Variants in MYBPC1 observed in about 807,000 individuals in gnomAD.
MYBPC1 encodes myosin binding protein C1.
In MYBPC1, 52 loss-of-function variants were observed where a neutral mutation model predicts 147.1. That is an observed-to-expected ratio of 0.35 (90% CI 0.28 to 0.45). The LOEUF is 0.45. Among genes scored for constraint, MYBPC1 ranks in the 20% least tolerant of loss-of-function variants. The pLI, the probability that MYBPC1 is intolerant of heterozygous loss-of-function variation, is 1.00. For synonymous variants in MYBPC1, 477 were observed against 475.9 expected, an observed-to-expected ratio of 1.00 and a Z score of -0.03; for missense variants, 1,228 against 1,440.3, an observed-to-expected ratio of 0.85 and a Z score of 2.39.
chr12:101,618,010 AT>A (rs747982166), intron 3 of MYBPC1, among the ~76,000 whole-genome samples: 2 of 152,160 alleles, frequency 1.3e-5, no homozygotes, highest in Non-Finnish European at 2.9e-5. Flanking sequence ...TTGTATTGTC[AT>A]TTTAAAAGTG....
chr12:101,634,925 A>G (rs12307946), intron 9 of MYBPC1, among the ~76,000 whole-genome samples: 2 of 152,234 alleles, frequency 1.3e-5, no homozygotes, highest in African/African-American at 4.8e-5. Flanking sequence ...CCAAATGGCC[A>G]AAAGAAATAC....
chr12:101,652,545 T>TC, intron 16 of MYBPC1, 133 bp from the exon 17 acceptor site: 1 of 679,804 alleles, frequency 1.5e-6, no homozygotes, highest in Non-Finnish European at 2.7e-6. Flanking sequence ...TCTCTCTCTC[T>TC]TTCTCTCTCT....
chr12:101,621,079 A>T (rs825094), intron 3 of MYBPC1, among the ~76,000 whole-genome samples: 22,457 of 152,190 alleles, frequency 0.15, 1,935 homozygotes, highest in East Asian at 0.31. Context: ...AATGATTTTT[A>T]AAAAAATTTA....
chr12:101,619,043 C>T (rs1016157013), intron 3 of MYBPC1, among the ~76,000 whole-genome samples: 5 of 152,034 alleles, frequency 3.3e-5, no homozygotes, highest in Non-Finnish European at 7.4e-5. Flanking sequence ...ATACAGTCCT[C>T]TTCATCAAGG....
At position 101,631,588 on chromosome 12, in the gene MYBPC1, A is replaced by G. The variant is rs778392433; in HGVS notation, c.307A>G (p.Ile103Val). Residue 103 changes from isoleucine (I) to valine (V), a missense_variant, in exon 7 of 32, where the codon ATA (isoleucine) becomes GTA (valine). Ile to Val is a conservative substitution (Grantham distance 29, BLOSUM62 3). Around this residue, in one of 2 missense-constraint regions of MYBPC1, gnomAD observed 151 missense variants for 126.1 expected, o/e 1.20. Transcript: ENST00000361466. ...TCTTCTAGGTGAAGATATCACCTTC[A>G]TAGCCAAAGTCAAGGCTGAAGATCT... ...TVKVGEDITFIAKVKAEDLLR... is the reference protein window; with the variant it reads ...TVKVGEDITFVAKVKAEDLLR... 2 of 1,614,030 alleles carry G rather than the reference A, an allele frequency of 1.2e-6. No homozygotes were observed. Among genetic ancestry groups the G allele is most frequent in the African/African-American group, 2.7e-5 (2 of 74,936 alleles).
chr12:101,646,432 C>T (rs1189270357), intron 12 of MYBPC1, among the ~76,000 whole-genome samples: 1 of 151,854 alleles, frequency 6.6e-6, no homozygotes, highest in Non-Finnish European at 1.5e-5. Context: ...ACGCTTGAAC[C>T]GAGGAGTCTG....
chr12:101,618,854 C>CGT (rs35811344), intron 3 of MYBPC1, among the ~76,000 whole-genome samples: 21,541 of 136,656 alleles, frequency 0.16, 1,584 homozygotes, highest in Middle Eastern at 0.23. Context: ...CAAAAACTGC[C>CGT]GTGTGTGTGT....
chr12:101,679,084 G>A (rs1261096869), intron 28 of MYBPC1, among the ~76,000 whole-genome samples: 1 of 151,574 alleles, frequency 6.6e-6, no homozygotes, highest in Admixed American at 6.6e-5. Context: ...GGGAGGTGGA[G>A]GTTGCAGTGA....
chr12:101,630,022 A>G (rs1889564233), intron 6 of MYBPC1, among the ~76,000 whole-genome samples: 2 of 152,198 alleles, frequency 1.3e-5, no homozygotes, highest in South Asian at 4.1e-4. Flanking sequence ...AAAAGACCCT[A>G]TATTCCACTA....
intron 18 of MYBPC1, among the ~76,000 whole-genome samples, chr12:101,655,643 C>G (rs1895419540): frequency 6.6e-6 from 1 of 152,162 alleles, no homozygotes; most frequent in Admixed American, 6.5e-5. Context: ...TGAAAGTGTT[C>G]AGGGTGAAAA....
chr12:101,672,085 C>T (rs894099732), intron 24 of MYBPC1, among the ~76,000 whole-genome samples: 1 of 152,160 alleles, frequency 6.6e-6, no homozygotes, highest in Admixed American at 6.5e-5. Flanking sequence ...GTTTTTTCCA[C>T]TCTGTATATT....
intron 10 of MYBPC1, among the ~76,000 whole-genome samples, chr12:101,640,822 A>G (rs1023136207): frequency 6.6e-6 from 1 of 152,150 alleles, no homozygotes; most frequent in Non-Finnish European, 1.5e-5. Flanking sequence ...TTCTCAAAGT[A>G]CACATGAGTG....
In MYBPC1 at chr12:101,645,940, G is replaced by T. The variant is rs530011189; in HGVS notation, c.966-823G>T. Among the ~76,000 whole-genome samples, 17 of 152,310 alleles carry T rather than the reference G, an allele frequency of 1.1e-4. No homozygotes were observed. In the East Asian group the frequency reaches 3.3e-3, roughly 29 times the overall value. ...TTCTATAGAACTGCTGCGTGTGTTT[G>T]TGGTTATATCACATTATTTCTTAAA... is the stretch of plus-strand genomic sequence containing the variant. On this transcript the variant is annotated intron_variant, in intron 12 of 31. Transcript: ENST00000361466.
At chr12:101,674,701 A>G (rs981043439) in intron 25 of MYBPC1, among the ~76,000 whole-genome samples, 2 of 151,910 alleles carry the variant, frequency 1.3e-5, no homozygotes, top group African/African-American at 4.8e-5. Context: ...TGTCTGTACT[A>G]AAAATGCAAA....
intron 10 of MYBPC1, among the ~76,000 whole-genome samples, chr12:101,640,688 G>A (rs1431005568): frequency 6.6e-6 from 1 of 152,134 alleles, no homozygotes; most frequent in African/African-American, 2.4e-5. Flanking sequence ...ACATGGCAAT[G>A]TAAAATGGAA....
chr12:101,605,272 A>G (rs1360171611), intron 1 of MYBPC1, among the ~76,000 whole-genome samples: 1 of 152,196 alleles, frequency 6.6e-6, no homozygotes, highest in African/African-American at 2.4e-5. Flanking sequence ...AAATCAATGT[A>G]AGGTTTTTAT....
At chr12:101,672,137 T>C (rs1436756946) in intron 24 of MYBPC1, among the ~76,000 whole-genome samples, 40 of 152,232 alleles carry the variant, frequency 2.6e-4, no homozygotes. Context: ...AACAGCAAGT[T>C]GTACATTTAA....
At chr12:101,667,230 G>A (rs1372769117) in intron 22 of MYBPC1, among the ~76,000 whole-genome samples, 2 of 152,132 alleles carry the variant, frequency 1.3e-5, no homozygotes, top group African/African-American at 4.8e-5. Context: ...GAATAAATAT[G>A]ATCAAGTTCC....
At chr12:101,688,076 T>C (rs1951376518), downstream of MYBPC1, among the ~76,000 whole-genome samples, 1 of 152,178 alleles carries the variant, frequency 6.6e-6, no homozygotes, top group South Asian at 2.1e-4. Context: ...ATTAAAAAAT[T>C]ACGTATCACA....
Sources: gnomAD v4.1 joint callset for allele counts (sites outside exome capture counted in the v4.1 genomes callset) on GRCh38, gnomAD v4.1.1 for gene constraint, gnomAD v4.1.1 regional missense constraint, MANE v1.5 for transcripts, NCBI Gene and HGNC (gene_info 2026-07-23, HGNC 2026-07-21) for gene names.